The following KIF6 variants were observed in gnomAD, a reference collection of about 807,000 sequenced individuals.
KIF6 encodes the protein kinesin-like protein KIF6.
Under a neutral mutation model 112.7 loss-of-function variants are expected in KIF6, and 106 were observed. The ratio of observed to expected loss-of-function variants is 0.94; its 90% CI spans 0.80 to 1.11. The LOEUF is 1.11. Among genes scored for constraint, KIF6 ranks in the 50% least tolerant of loss-of-function variants. The pLI is 0.00. For missense variants in KIF6, 929 were observed against 964.0 expected (o/e 0.96, Z 0.48); for synonymous variants, 339 against 339.9 (o/e 1.00, Z 0.03).
intron 7 of KIF6, among the ~76,000 whole-genome samples, chr6:39,588,312 C>A (rs1159517208): frequency 6.6e-6 from 1 of 152,162 alleles, no homozygotes; most frequent in Non-Finnish European, 1.5e-5. Flanking sequence ...CTCCTGGGTT[C>A]AAGTGAGCCT....
chr6:39,447,083 G>T (rs144062152), intron 13 of KIF6, among the ~76,000 whole-genome samples: 1 of 152,228 alleles, frequency 6.6e-6, no homozygotes, highest in Non-Finnish European at 1.5e-5. Context: ...TTTTAAGGTA[G>T]TTACAAATGA....
intron 16 of KIF6, among the ~76,000 whole-genome samples, chr6:39,380,642 G>GAA (rs1260856369): frequency 7.1e-6 from 1 of 141,618 alleles, no homozygotes. Context: ...CCACTCTTTG[G>GAA]AAAAAAAAAA....
rs534865567 is a variant in KIF6 at position 39,534,249 on chromosome 6, C to T, written c.1645+5754G>A. ...CGAGTTGAGAGAAGAAGGCTTCAGA[C>T]GATCAAACTACTCTGAGCTACAGGA... On this transcript the variant is annotated intron_variant, in intron 13 of 22. Transcript: ENST00000287152. Among the ~76,000 whole-genome samples the T allele has an allele frequency of 1.8e-4, 27 of 151,628 alleles. No homozygotes were observed. The East Asian group carries it at 4.1e-3, about 23-fold the overall frequency.
At chr6:39,582,521 C>T (rs1226335068) in intron 9 of KIF6, among the ~76,000 whole-genome samples, 2 of 152,102 alleles carry the variant, frequency 1.3e-5, no homozygotes, top group African/African-American at 4.8e-5. Flanking sequence ...AAGCAATTCT[C>T]CTGCCTCAGC....
At chr6:39,337,222 T>G in intron 22 of KIF6, among the ~76,000 whole-genome samples, 1 of 113,894 alleles carries the variant, frequency 8.8e-6, no homozygotes, top group South Asian at 2.5e-4. Flanking sequence ...TTTCTTTCTT[T>G]CTTTCTTTCT....
chr6:39,541,265 C>G (rs957174848), intron 12 of KIF6, among the ~76,000 whole-genome samples: 1 of 152,190 alleles, frequency 6.6e-6, no homozygotes, highest in African/African-American at 2.4e-5. Flanking sequence ...GCTTTAACTC[C>G]CACTTGGTGA....
At chr6:39,485,191 C>T (rs1321373904) in intron 13 of KIF6, among the ~76,000 whole-genome samples, 2 of 152,158 alleles carry the variant, frequency 1.3e-5, no homozygotes. Flanking sequence ...GTGCAATCTA[C>T]ACATAACAGA....
intron 10 of KIF6, among the ~76,000 whole-genome samples, chr6:39,558,410 T>C (rs992981113): frequency 1.3e-5 from 2 of 152,170 alleles, no homozygotes; most frequent in African/African-American, 4.8e-5. Flanking sequence ...CTTTAAGTGG[T>C]AGAACCCATA....
chr6:39,578,271 G>T, intron 9 of KIF6, 112 bp from the exon 10 acceptor site: 1 of 695,142 alleles, frequency 1.4e-6, no homozygotes, highest in Non-Finnish European at 2.6e-6. Flanking sequence ...ACAAAAATGG[G>T]TAATGGTATA....
chr6:39,645,295 G>C (rs1785103460), intron 3 of KIF6, among the ~76,000 whole-genome samples: 1 of 152,028 alleles, frequency 6.6e-6, no homozygotes, highest in African/African-American at 2.4e-5. Flanking sequence ...AAACTGAAGT[G>C]TCACTCCAGA....
At chr6:39,676,320 T>A (rs74293697) in intron 3 of KIF6, among the ~76,000 whole-genome samples, 1 of 3,948 alleles carries the variant, frequency 2.5e-4, no homozygotes, top group South Asian at 6.3e-3. Context: ...GATGGAATCG[T>A]TATCTTCAAC....
chr6:39,395,062 T>G (rs1768161232), intron 15 of KIF6, among the ~76,000 whole-genome samples: 4 of 152,212 alleles, frequency 2.6e-5, no homozygotes, highest in Admixed American at 1.3e-4. Context: ...TGACGGTACA[T>G]GATAATCACA....
chr6:39,404,103 T>G (rs1047751297), intron 15 of KIF6, among the ~76,000 whole-genome samples: 6 of 152,202 alleles, frequency 3.9e-5, no homozygotes, highest in Non-Finnish European at 8.8e-5. Context: ...CTGAAAATAT[T>G]TTCTCCCAGT....
Position 39,396,310 on chromosome 6 carries a change from G to T in KIF6, c.1811-10638C>A, listed in dbSNP as rs1183740114. Among the ~76,000 whole-genome samples, 3 of 152,348 alleles carry T rather than the reference G, an allele frequency of 2.0e-5. No individual in the cohort carries two copies. The East Asian group carries it at 5.8e-4, about 29-fold the overall frequency. On this transcript the variant is annotated intron_variant, in intron 15 of 22. Coordinates refer to ENST00000287152, the MANE Select transcript of KIF6 (RefSeq NM_145027.6). ...GGGCCAGGCCCACCATTGAATCTGT[G>T]AGGCTCCCTGTGCTCTGTCTCTGCA... is the stretch of plus-strand genomic sequence containing the variant.
At position 39,330,536 on chromosome 6, in the gene KIF6, T is replaced by TG. The variant is rs1163517136; in HGVS notation, c.*5995dup. The TG allele has an allele frequency of 3.9e-5, 6 of 152,260 alleles. No homozygotes were observed. The highest frequency in any genetic ancestry group is 2.9e-5 in the Non-Finnish European group (2 of 68,088). The allele number at this position is 152,260 out of a possible 1,614,324, so 9.4% of individuals were successfully genotyped here. A position where few individuals can be genotyped will look rare whatever the true frequency, so the allele number is the denominator to read the frequency against. ...AAAGAAAACAACAACATCCCACACCTGGGGCCAGAAGGGGAGGGGTGCTGG... is the reference window on the plus strand; with the variant it reads ...AAAGAAAACAACAACATCCCACACCTGGGGGCCAGAAGGGGAGGGGTGCTGG... On this transcript the variant is annotated 3_prime_UTR_variant, in exon 23 of 23. Coordinates refer to ENST00000287152, the MANE Select transcript of KIF6 (RefSeq NM_145027.6).
rs546245738 is a variant in KIF6 at position 39,719,656 on chromosome 6, CAA to C, written c.176+1044_176+1045del. On this transcript the variant is annotated intron_variant, in intron 2 of 22. Transcript: ENST00000287152. ...ACTCCCTAAATTCAAGACCTAGCTACAAAAAGAGTATTCAGACCAAAGACACT... is the reference window on the plus strand; with the variant it reads ...ACTCCCTAAATTCAAGACCTAGCTACAAAGAGTATTCAGACCAAAGACACT... Among the ~76,000 whole-genome samples, 361 of 152,206 alleles carry C rather than the reference CAA, an allele frequency of 2.4e-3. 1 individual carries two copies. The highest frequency in any genetic ancestry group is 4.4e-3 in the Non-Finnish European group (298 of 68,014).
chr6:39,534,423 C>G (rs546507107), intron 13 of KIF6, among the ~76,000 whole-genome samples: 2 of 152,100 alleles, frequency 1.3e-5, no homozygotes, highest in Non-Finnish European at 2.9e-5. Context: ...ATGCAGAAGC[C>G]TCAGGAGCTG....
At chr6:39,447,388 T>C (rs1157147146) in intron 13 of KIF6, among the ~76,000 whole-genome samples, 2 of 152,222 alleles carry the variant, frequency 1.3e-5, no homozygotes, top group Non-Finnish European at 2.9e-5. Flanking sequence ...TCTCCTGGCC[T>C]TCTTCCCTGA....
chr6:39,446,981 T>C (rs1275792747), intron 13 of KIF6, among the ~76,000 whole-genome samples: 2 of 152,234 alleles, frequency 1.3e-5, no homozygotes, highest in African/African-American at 4.8e-5. Flanking sequence ...AAAAATGTTA[T>C]AATTACCATC....
Sources: allele counts gnomAD v4.1 joint callset (sites outside exome capture counted in the v4.1 genomes callset), GRCh38; gene constraint gnomAD v4.1.1; transcripts MANE v1.5; gene names NCBI Gene and HGNC (gene_info 2026-07-23, HGNC 2026-07-21).